PEX19: variants seen among roughly 807,000 people sequenced by gnomAD.
PEX19 encodes peroxisomal biogenesis factor 19.
In PEX19, 29 loss-of-function variants were observed where a neutral mutation model predicts 36.3. The ratio of observed to expected loss-of-function variants is 0.80; its 90% CI spans 0.60 to 1.09. The LOEUF (loss-of-function observed/expected upper bound fraction) is 1.09, where lower values mean the gene tolerates loss of function less well. PEX19 is among the 50% of genes least tolerant of loss of function. PEX19 has a pLI of 0.00. For synonymous variants in PEX19, 141 were observed against 135.2 expected (o/e 1.04, Z -0.30); for missense variants, 396 against 368.1 (o/e 1.08, Z -0.62).
rs1217719806 is a variant in PEX19, at chr1:160,278,400, A to G, written c.*1151T>C. 4 of 658,172 alleles carry G rather than the reference A, an allele frequency of 6.1e-6. No individual in the cohort carries two copies. The highest frequency in any genetic ancestry group is 1.1e-5 in the Non-Finnish European group (4 of 359,712). 40.8% of individuals were successfully genotyped at this position (658,172 alleles called of 1,614,324 possible). On this transcript the variant is annotated 3_prime_UTR_variant, in exon 8 of 8. Transcript: ENST00000368072. ...GGGTGTTGATGGAACCCAGCATTAC[A>G]ATATTGTGTAGAACTAGTCTCCTAA...
At position 160,277,809 on chromosome 1, in the gene PEX19, C is replaced by T. The variant is rs879543495; in HGVS notation, c.*1742G>A. 3 of 520,998 alleles carry T rather than the reference C, an allele frequency of 5.8e-6. No homozygotes were observed. In the Admixed American group the frequency reaches 6.7e-5, roughly 12 times the overall value. 32.3% of individuals were successfully genotyped at this position (520,998 alleles called of 1,614,324 possible). On this transcript the variant is annotated 3_prime_UTR_variant, in exon 8 of 8. Transcript: ENST00000368072. The stretch of plus-strand genomic sequence containing the variant: ...TAAGGAGAAAATAGTGACACTGAAG[C>T]CCCATGACTATATCACAAGTATACC...
Position 160,279,799 on chromosome 1 carries a change from A to G in PEX19, c.816+2T>C. On this transcript the variant is annotated splice_donor_variant, in intron 7 of 7. Coordinates refer to ENST00000368072, the MANE Select transcript of PEX19 (RefSeq NM_002857.4). LOFTEE classifies it high-confidence loss of function. ...AAATCTGGAAAAATAAGACATACTC[A>G]CCATCTCTCCAGCCAGCTCTTTTGG... 1 of 1,611,914 alleles carries G rather than the reference A, an allele frequency of 6.2e-7. No homozygotes were observed. The highest frequency in any genetic ancestry group is 8.5e-7 in the Non-Finnish European group (1 of 1,177,980).
chr1:160,279,793 A>C lies in PEX19; in HGVS notation c.816+8T>G. 1 of 1,611,476 alleles carries C rather than the reference A, an allele frequency of 6.2e-7. No homozygotes were observed. Among genetic ancestry groups the C allele is most frequent in the Non-Finnish European group, 8.5e-7 (1 of 1,177,586 alleles). On this transcript the variant is annotated splice_region_variant and intron_variant, in intron 7 of 7. Transcript: ENST00000368072. The stretch of plus-strand genomic sequence containing the variant: ...AAATTAAAATCTGGAAAAATAAGAC[A>C]TACTCACCATCTCTCCAGCCAGCTC...
chr1:160,284,402 T>C (rs189361927), intron 1 of PEX19, among the ~76,000 whole-genome samples: 1 of 152,272 alleles, frequency 6.6e-6, no homozygotes, highest in East Asian at 1.9e-4. Flanking sequence ...GCACTGGCCC[T>C]ACTCTGGGCA....
Position 160,282,467 on chromosome 1 carries a change from A to G in PEX19, c.382T>C (p.Cys128Arg), listed in dbSNP as rs1158497102. The G allele has an allele frequency of 6.8e-6, 11 of 1,614,186 alleles. No homozygotes were observed. Among genetic ancestry groups the G allele is most frequent in the Non-Finnish European group, 9.3e-6 (11 of 1,180,010 alleles). ...AATCCACTTAGTGTTTCCTTTAGGC[A>G]AGAAGTGAATTCTTGTTGGGAGGTC... ...DMTSQQEFTS[C>R]LKETLSGLAK... The change falls in exon 4 of 8, where the codon TGC (cysteine) becomes CGC (arginine). Residue 128 changes from cysteine (C) to arginine (R), a missense_variant. By Grantham distance (180) the Cys-to-Arg change is radical (BLOSUM62 -3). Coordinates refer to ENST00000368072, the MANE Select transcript of PEX19 (RefSeq NM_002857.4).
chr1:160,279,222 G>C lies in PEX19; in HGVS notation c.*329C>G, dbSNP rs1657659183. 2 of 493,258 alleles carry C rather than the reference G, an allele frequency of 4.1e-6. No individual in the cohort carries two copies. Among genetic ancestry groups the C allele is most frequent in the African/African-American group, 3.9e-5 (2 of 51,552 alleles). 30.6% of individuals were successfully genotyped at this position (493,258 alleles called of 1,614,324 possible). A position where few individuals can be genotyped will look rare whatever the true frequency, so the allele number is the denominator to read the frequency against. ...ACCCTGGACGTAAAGGTGAACATCAGTGTGGCCACATATAACATTATTTTG... is the reference window on the plus strand; with the variant it reads ...ACCCTGGACGTAAAGGTGAACATCACTGTGGCCACATATAACATTATTTTG... On this transcript the variant is annotated 3_prime_UTR_variant, in exon 8 of 8. Coordinates refer to ENST00000368072, the MANE Select transcript of PEX19 (RefSeq NM_002857.4).
rs1657705542 is a variant in PEX19, at chr1:160,280,069, C to T, written c.771+1G>A. On this transcript the variant is annotated splice_donor_variant, in intron 6 of 7. Transcript: ENST00000368072. LOFTEE classifies it high-confidence loss of function. ...AGTGGGCAGAAGGCAAGAGGCCTTA[C>T]CTGCTGCATAAGATCCAGCACCATC... is the stretch of plus-strand genomic sequence containing the variant. 1.2e-6 allele frequency: 2 copies of T among 1,613,082 alleles called. No homozygotes were observed. The highest frequency in any genetic ancestry group is 2.2e-5 in the South Asian group (2 of 91,056).
chr1:160,284,940 C>T lies in PEX19; in HGVS notation c.70+115G>A, dbSNP rs184620346. The T allele has an allele frequency of 6.0e-4, 511 of 854,352 alleles. 2 individuals are homozygous for T. Among genetic ancestry groups the T allele is most frequent in the Non-Finnish European group, 8.7e-4 (430 of 495,784 alleles). 52.9% of individuals were successfully genotyped at this position (854,352 alleles called of 1,614,324 possible). ...GCTCGGGGGTCAGACTCTCCGCCCC[C>T]ATTTAACCTTTGGAGAGCCTCTCCT... is the stretch of plus-strand genomic sequence containing the variant. On this transcript the variant is annotated intron_variant, in intron 1 of 7. Transcript: ENST00000368072.
rs1399173425 is a variant in PEX19 at position 160,277,266 on chromosome 1, G to C, written c.*2285C>G. The stretch of plus-strand genomic sequence containing the variant: ...ATTGAGAGTGTTTAAAAACTTTTTA[G>C]CATTTCAATGTTGCTGTGATATCCA... On this transcript the variant is annotated 3_prime_UTR_variant, in exon 8 of 8. Coordinates refer to ENST00000368072, the MANE Select transcript of PEX19 (RefSeq NM_002857.4). The C allele has an allele frequency of 2.2e-6, 1 of 455,604 alleles. No individual in the cohort carries two copies. The highest frequency in any genetic ancestry group is 4.4e-6 in the Non-Finnish European group (1 of 226,730). The allele number at this position is 455,604 out of a possible 1,614,324, so 28.2% of individuals were successfully genotyped here. A position where few individuals can be genotyped will look rare whatever the true frequency, so the allele number is the denominator to read the frequency against.
Position 160,278,723 on chromosome 1 carries a change from G to C in PEX19, c.*828C>G, listed in dbSNP as rs1557852488. 5 of 454,008 alleles carry C rather than the reference G, an allele frequency of 1.1e-5. No individual in the cohort carries two copies. Among genetic ancestry groups the C allele is most frequent in the African/African-American group, 4.0e-5 (2 of 50,010 alleles). The allele number at this position is 454,008 out of a possible 1,614,324, so 28.1% of individuals were successfully genotyped here. The stretch of plus-strand genomic sequence containing the variant: ...GGGGAGTCAGTGAGAATCGTAAATG[G>C]ACTAGATGAGGGGAAATAGGATGGG... On this transcript the variant is annotated 3_prime_UTR_variant, in exon 8 of 8. Coordinates refer to ENST00000368072, the MANE Select transcript of PEX19 (RefSeq NM_002857.4).
chr1:160,278,756 T>G lies in PEX19; in HGVS notation c.*795A>C. On this transcript the variant is annotated 3_prime_UTR_variant, in exon 8 of 8. Transcript: ENST00000368072. ...GAGGGGAAATAGGATGGGCCCTTCT[T>G]TATCACAGCTTGAGCTCAAAAAGGT... The G allele has an allele frequency of 2.2e-6, 1 of 454,032 alleles. No homozygotes were observed. The highest frequency in any genetic ancestry group is 4.4e-6 in the Non-Finnish European group (1 of 226,778). 28.1% of individuals were successfully genotyped at this position (454,032 alleles called of 1,614,324 possible).
Position 160,280,055 on chromosome 1 carries a change from G to A in PEX19, c.771+15C>T, listed in dbSNP as rs913085978. 1 of 1,611,732 alleles carries A rather than the reference G, an allele frequency of 6.2e-7. No homozygotes were observed. Among genetic ancestry groups the A allele is most frequent in the Non-Finnish European group, 8.5e-7 (1 of 1,177,936 alleles). On this transcript the variant is annotated intron_variant, in intron 6 of 7. Coordinates refer to ENST00000368072, the MANE Select transcript of PEX19 (RefSeq NM_002857.4). ...AAGTGGACAGCACCAGTGGGCAGAA[G>A]GCAAGAGGCCTTACCTGCTGCATAA...
At chr1:160,283,203 G>A in intron 2 of PEX19, 94 bp from the exon 3 acceptor site, 10 of 1,343,454 alleles carry the variant, frequency 7.4e-6, no homozygotes, top group Non-Finnish European at 1.1e-5. Context: ...TATGGGAAAT[G>A]CACCTCCCTC....
chr1:160,278,680 T>C lies in PEX19; in HGVS notation c.*871A>G. On this transcript the variant is annotated 3_prime_UTR_variant, in exon 8 of 8. Coordinates refer to ENST00000368072, the MANE Select transcript of PEX19 (RefSeq NM_002857.4). ...TCCTAGACCTGACACTGGGTTTATT[T>C]GTGTCTGCCAGGAAGACGGGGAGTC... 2.2e-6 allele frequency: 1 copy of C among 454,184 alleles called. No homozygotes were observed. Among genetic ancestry groups the C allele is most frequent in the Non-Finnish European group, 4.4e-6 (1 of 226,832 alleles). 28.1% of individuals were successfully genotyped at this position (454,184 alleles called of 1,614,324 possible). A position where few individuals can be genotyped will look rare whatever the true frequency, so the allele number is the denominator to read the frequency against.
Position 160,280,643 on chromosome 1 carries a change from C to A in PEX19, c.595-397G>T, listed in dbSNP as rs1322651045. Among the ~76,000 whole-genome samples, 3 of 152,092 alleles carry A rather than the reference C, an allele frequency of 2.0e-5. No homozygotes were observed. The East Asian group carries it at 5.8e-4, about 29-fold the overall frequency. On this transcript the variant is annotated intron_variant, in intron 5 of 7. Coordinates refer to ENST00000368072, the MANE Select transcript of PEX19 (RefSeq NM_002857.4). ...AGCAATCCTCCCACCTGAGCCTCCCCAAGTAGCTGGGTCTACAAGTGTGCA... is the reference window on the plus strand; with the variant it reads ...AGCAATCCTCCCACCTGAGCCTCCCAAAGTAGCTGGGTCTACAAGTGTGCA...
intron 5 of PEX19, 59 bp downstream of exon 5, chr1:160,281,980 C>G (rs1325824808): frequency 1.4e-6 from 2 of 1,395,728 alleles, no homozygotes; most frequent in Non-Finnish European, 2.0e-6. Flanking sequence ...ACAAAATAGC[C>G]CACATCAGTT....
Position 160,282,197 on chromosome 1 carries a change from A to C in PEX19, c.436T>G (p.Ser146Ala). 1 of 1,614,052 alleles carries C rather than the reference A, an allele frequency of 6.2e-7. No homozygotes were observed. The highest frequency in any genetic ancestry group is 1.1e-5 in the South Asian group (1 of 91,078). Residue 146 changes from serine (S) to alanine (A), a missense_variant, in exon 5 of 8, where the codon TCC becomes GCC. Transcript: ENST00000368072. Reference sequence around the variant, plus strand: ...GTCAGCTCTTCTTCCGACATGCTGGAGTTCTAGATAGGACAAGTAAGAGGT... The same window carrying C: ...GTCAGCTCTTCTTCCGACATGCTGGCGTTCTAGATAGGACAAGTAAGAGGT... Reference protein sequence around the residue: ...LAKNATDLQNSSMSEEELTKA... With the variant: ...LAKNATDLQNASMSEEELTKA...
chr1:160,280,771 G>A (rs866843889), intron 5 of PEX19, among the ~76,000 whole-genome samples: 3 of 152,132 alleles, frequency 2.0e-5, no homozygotes, highest in Non-Finnish European at 2.9e-5. Context: ...TGTCCACCGT[G>A]GCCTCCCAAA....
rs1557851367 is a variant in PEX19, at chr1:160,277,080, T to C, written c.*2471A>G. 2.2e-6 allele frequency: 1 copy of C among 453,832 alleles called. No homozygotes were observed. The highest frequency in any genetic ancestry group is 4.4e-6 in the Non-Finnish European group (1 of 226,790). The allele number at this position is 453,832 out of a possible 1,614,324, so 28.1% of individuals were successfully genotyped here. A position where few individuals can be genotyped will look rare whatever the true frequency, so the allele number is the denominator to read the frequency against. On this transcript the variant is annotated 3_prime_UTR_variant, in exon 8 of 8. Coordinates refer to ENST00000368072, the MANE Select transcript of PEX19 (RefSeq NM_002857.4). ...AAGTTCTCTGGAAGTGAAACTCAAA[T>C]AGGAGAGAACAAGAGATACAGGTAG...
Sources: allele counts gnomAD v4.1 joint callset (sites outside exome capture counted in the v4.1 genomes callset), GRCh38; gene constraint gnomAD v4.1.1; transcripts MANE v1.5; gene names NCBI Gene and HGNC (gene_info 2026-07-23, HGNC 2026-07-21).